SENP1: variants seen among roughly 807,000 people sequenced by gnomAD.
SENP1 encodes SUMO specific peptidase 1, also known as sentrin-specific protease 1.
SENP1 carries 21 observed loss-of-function variants against 93.0 expected under a neutral mutation model. The ratio of observed to expected loss-of-function variants is 0.23; its 90% CI spans 0.16 to 0.33. The LOEUF (loss-of-function observed/expected upper bound fraction) is 0.33, where lower values mean the gene tolerates loss of function less well. SENP1 is among the 10% of genes least tolerant of loss of function. The probability of loss-of-function intolerance (pLI) is 1.00; values close to 1 mark genes in which losing one functional copy is unlikely to be tolerated. For missense variants in SENP1, 591 were observed against 758.7 expected (o/e 0.78, Z 2.60); for synonymous variants, 256 against 259.6 (o/e 0.99, Z 0.13).
chr12:48,098,034 G>A lies in SENP1; in HGVS notation c.95C>T (p.Thr32Ile). 6.2e-7 allele frequency: 1 copy of A among 1,613,810 alleles called. No individual in the cohort carries two copies. Among genetic ancestry groups the A allele is most frequent in the Non-Finnish European group, 8.5e-7 (1 of 1,179,772 alleles). ...CGAAAGCTGGTCCTCTGGAAAACCT[G>A]TTTGTGGCAGGAGGTGGGTTTTGAA... ...SVFKTHLLPQ[T>I]GFPEDQLSLS... Residue 32 changes from threonine (T) to isoleucine (I), a missense_variant, in exon 3 of 18, where the codon ACA (threonine) becomes ATA (isoleucine). Physicochemically the swap from Thr to Ile is moderately conservative, Grantham distance 89. Transcript: ENST00000549518.
intron 9 of SENP1, among the ~76,000 whole-genome samples, chr12:48,069,152 C>CAAAAAAAA (rs10564674): frequency 7.3e-4 from 56 of 76,342 alleles, no homozygotes; most frequent in Middle Eastern, 0.012. Flanking sequence ...GACTCTGTCA[C>CAAAAAAAA]AAAAAAAAAA....
At chr12:48,099,767 C>T (rs929355083) in intron 2 of SENP1, among the ~76,000 whole-genome samples, 1 of 151,546 alleles carries the variant, frequency 6.6e-6, no homozygotes, top group Non-Finnish European at 1.5e-5. Flanking sequence ...CAAGATAACA[C>T]CACTGCACTC....
chr12:48,102,063 C>G (rs1022279485), intron 1 of SENP1, among the ~76,000 whole-genome samples: 1 of 152,228 alleles, frequency 6.6e-6, no homozygotes, highest in Non-Finnish European at 1.5e-5. Context: ...ACCAAAGCCC[C>G]TTTGCCTATA....
intron 1 of SENP1, among the ~76,000 whole-genome samples, chr12:48,104,674 G>A (rs1020215046): frequency 6.6e-6 from 1 of 152,184 alleles, no homozygotes; most frequent in South Asian, 2.1e-4. Context: ...CAAGACAGTA[G>A]AGCTGGTACA....
At position 48,046,996 on chromosome 12, in the gene SENP1, A is replaced by T; in HGVS notation, c.1758T>A (p.Leu586=). ...AAGGTACCTGGCTTTTCTTGCTGAA[A>T]AGCTGCCAGCCATTGGTGTCAAACT... is the stretch of plus-strand genomic sequence containing the variant. ...RKEFDTNGWQ[L]FSKKSQEIPQ... Residue 586 remains leucine (L), a synonymous_variant, in exon 16 of 18, where the codon CTT becomes CTA. Coordinates refer to ENST00000549518, the MANE Select transcript of SENP1 (RefSeq NM_001267594.2). The T allele has an allele frequency of 1.9e-6, 3 of 1,612,350 alleles. No homozygotes were observed. Among genetic ancestry groups the T allele is most frequent in the Non-Finnish European group, 2.5e-6 (3 of 1,178,642 alleles).
chr12:48,086,007 T>A (rs1399771519), intron 5 of SENP1, among the ~76,000 whole-genome samples: 1 of 152,152 alleles, frequency 6.6e-6, no homozygotes, highest in Non-Finnish European at 1.5e-5. Context: ...CCAAAATTCA[T>A]GAGTTAAGGT....
At chr12:48,049,626 A>G (rs1941643716) in intron 13 of SENP1, among the ~76,000 whole-genome samples, 1 of 152,228 alleles carries the variant, frequency 6.6e-6, no homozygotes, top group East Asian at 1.9e-4. Context: ...ATGGTTTTAC[A>G]CAAAGATGGA....
At chr12:48,093,322 C>T (rs1204944268) in intron 4 of SENP1, among the ~76,000 whole-genome samples, 2 of 130,158 alleles carry the variant, frequency 1.5e-5, no homozygotes, top group South Asian at 2.4e-4. Flanking sequence ...CTCACTGTGT[C>T]GCCCAGGATG....
At chr12:48,087,477 G>A (rs1332614928) in intron 5 of SENP1, among the ~76,000 whole-genome samples, 1 of 151,844 alleles carries the variant, frequency 6.6e-6, no homozygotes, top group Non-Finnish European at 1.5e-5. Context: ...CTTTAATGAA[G>A]ACAAAATAAT....
At chr12:48,094,746 G>A (rs915200046) in intron 4 of SENP1, among the ~76,000 whole-genome samples, 30 of 152,130 alleles carry the variant, frequency 2.0e-4, no homozygotes, top group Non-Finnish European at 3.4e-4. Context: ...GTTATGAGAA[G>A]GGAACTTTGA....
intron 13 of SENP1, among the ~76,000 whole-genome samples, chr12:48,058,806 G>A (rs1286758551): frequency 6.6e-6 from 1 of 152,116 alleles, no homozygotes; most frequent in Non-Finnish European, 1.5e-5. Context: ...TGAAGAACAC[G>A]TAATATTTCT....
In SENP1 at chr12:48,074,674, T is replaced by C; in HGVS notation, c.656+16A>G. 6.2e-7 allele frequency: 1 copy of C among 1,610,098 alleles called. No individual in the cohort carries two copies. Among genetic ancestry groups the C allele is most frequent in the African/African-American group, 1.3e-5 (1 of 74,952 alleles). On this transcript the variant is annotated intron_variant, in intron 7 of 17. Coordinates refer to ENST00000549518, the MANE Select transcript of SENP1 (RefSeq NM_001267594.2). ...TGTAGAATTAAATTCATCTGAAATA[T>C]GCTTCTGTGACTCACAGGTGTAAAG...
intron 10 of SENP1, among the ~76,000 whole-genome samples, chr12:48,065,911 C>T (rs1277161284): frequency 1.3e-5 from 2 of 152,154 alleles, no homozygotes; most frequent in Non-Finnish European, 2.9e-5. Flanking sequence ...CTACAGTGCC[C>T]GGGCTAGTCT....
intron 8 of SENP1, among the ~76,000 whole-genome samples, chr12:48,072,597 AAC>A (rs1478497553): frequency 2.6e-5 from 4 of 152,214 alleles, no homozygotes; most frequent in African/African-American, 7.2e-5. Flanking sequence ...CAGCCTGAGC[AAC>A]AGAGTGACAC....
intron 13 of SENP1, 72 bp downstream of exon 13, chr12:48,063,638 A>C: frequency 6.8e-7 from 1 of 1,476,224 alleles, no homozygotes; most frequent in Non-Finnish European, 9.3e-7. Flanking sequence ...TTTGAGAAAA[A>C]GTGAGATAAT....
chr12:48,100,745 G>A (rs934323032), intron 2 of SENP1, among the ~76,000 whole-genome samples: 4 of 152,054 alleles, frequency 2.6e-5, no homozygotes, highest in Non-Finnish European at 4.4e-5. Context: ...GACTCTAGGC[G>A]AGCTTCTTAA....
At chr12:48,087,116 A>G (rs373140121) in intron 5 of SENP1, among the ~76,000 whole-genome samples, 29 of 152,336 alleles carry the variant, frequency 1.9e-4, no homozygotes, top group Middle Eastern at 6.8e-3. Flanking sequence ...GACAAAGCCA[A>G]TAACTTCCAG....
At chr12:48,069,803 C>T (rs1397524008) in intron 9 of SENP1, among the ~76,000 whole-genome samples, 1 of 152,026 alleles carries the variant, frequency 6.6e-6, no homozygotes, top group South Asian at 2.1e-4. Context: ...ATAAAGAATC[C>T]AAACTATGAA....
At chr12:48,101,745 G>A (rs768989272) in intron 1 of SENP1, among the ~76,000 whole-genome samples, 3 of 152,154 alleles carry the variant, frequency 2.0e-5, no homozygotes, top group South Asian at 4.1e-4. Context: ...TACAGACTAC[G>A]CACAGAATCA....
Sources: gnomAD v4.1 joint callset for allele counts (sites outside exome capture counted in the v4.1 genomes callset) on GRCh38, gnomAD v4.1.1 for gene constraint, MANE v1.5 for transcripts, NCBI Gene and HGNC (gene_info 2026-07-23, HGNC 2026-07-21) for gene names.